The following MCHR2 variants were observed in gnomAD, a reference collection of about 807,000 sequenced individuals.
MCHR2 encodes the protein melanin concentrating hormone receptor 2, also known as melanin-concentrating hormone receptor 2.
MCHR2 carries 15 observed loss-of-function variants against 24.8 expected under a neutral mutation model. The ratio of observed to expected loss-of-function variants is 0.60; its 90% CI spans 0.40 to 0.93. The LOEUF (loss-of-function observed/expected upper bound fraction) is 0.93, where lower values mean the gene tolerates loss of function less well. Ranked by LOEUF, MCHR2 falls within the 40% of genes least tolerant of loss-of-function variation. MCHR2 has a pLI of 0.00. For synonymous variants in MCHR2, 151 were observed against 147.6 expected, an observed-to-expected ratio of 1.02 and a Z score of -0.17; for missense variants, 386 against 408.7, an observed-to-expected ratio of 0.94 and a Z score of 0.48.
chr6:99,921,555 A>G (rs1232660322), intron 5 of MCHR2, among the ~76,000 whole-genome samples: 5 of 152,136 alleles, frequency 3.3e-5, no homozygotes, highest in Non-Finnish European at 5.9e-5. Context: ...CAGGCATGCA[A>G]TGTGTAATAA....
chr6:99,948,409 G>A (rs913909707), intron 2 of MCHR2, among the ~76,000 whole-genome samples: 1 of 152,124 alleles, frequency 6.6e-6, no homozygotes, highest in Non-Finnish European at 1.5e-5. Context: ...ACACTATGGA[G>A]AGGTCCATGT....
intron 1 of MCHR2, among the ~76,000 whole-genome samples, chr6:99,986,637 C>G (rs1775774980): frequency 6.6e-6 from 1 of 152,028 alleles, no homozygotes; most frequent in East Asian, 1.9e-4. Flanking sequence ...TGTGGACATA[C>G]AGAGAGGAAT....
chr6:99,975,148 T>C (rs34315207), intron 1 of MCHR2, among the ~76,000 whole-genome samples: 24,305 of 152,154 alleles, frequency 0.16, 2,080 homozygotes, highest in African/African-American at 0.19. Context: ...TGTCTTTTTG[T>C]TTGTTTTTTC....
intron 1 of MCHR2, among the ~76,000 whole-genome samples, chr6:99,970,654 G>C (rs1346652135): frequency 2.6e-5 from 4 of 152,078 alleles, no homozygotes; most frequent in Non-Finnish European, 5.9e-5. Context: ...TGTCCTGAAT[G>C]GTATTGCCTA....
intron 3 of MCHR2, among the ~76,000 whole-genome samples, chr6:99,943,455 A>T (rs1449593717): frequency 6.6e-6 from 1 of 151,468 alleles, no homozygotes; most frequent in East Asian, 1.9e-4. Flanking sequence ...ATTTAGCATT[A>T]GGTATATCTC....
chr6:99,927,268 A>G (rs907222954), intron 5 of MCHR2, among the ~76,000 whole-genome samples: 19 of 152,276 alleles, frequency 1.2e-4, no homozygotes, highest in African/African-American at 3.4e-4. Context: ...GTCAGGTAGC[A>G]TGATGCCTCC....
intron 1 of MCHR2, among the ~76,000 whole-genome samples, chr6:99,970,531 C>T (rs369693922): frequency 6.6e-6 from 1 of 151,934 alleles, no homozygotes; most frequent in African/African-American, 2.4e-5. Flanking sequence ...CTCTGATGGT[C>T]GTTTCTTTTG....
intron 1 of MCHR2, among the ~76,000 whole-genome samples, chr6:99,982,483 A>AAAAT (rs1562135888): frequency 6.8e-6 from 1 of 147,784 alleles, no homozygotes; most frequent in Non-Finnish European, 1.5e-5. Context: ...AAAAAAAAAA[A>AAAAT]AAAAAAAAAG....
At chr6:99,923,634 A>G (rs1391078504) in intron 5 of MCHR2, among the ~76,000 whole-genome samples, 3 of 151,962 alleles carry the variant, frequency 2.0e-5, no homozygotes, top group African/African-American at 7.2e-5. Flanking sequence ...CTTTTTCAGC[A>G]TTTGATATTT....
chr6:99,945,327 C>T (rs889469226), intron 3 of MCHR2, among the ~76,000 whole-genome samples: 1 of 152,130 alleles, frequency 6.6e-6, no homozygotes, highest in Admixed American at 6.6e-5. Flanking sequence ...CTTACTGACT[C>T]TTGATGTTTT....
chr6:99,961,554 C>T (rs928238803), intron 1 of MCHR2, among the ~76,000 whole-genome samples: 4 of 151,964 alleles, frequency 2.6e-5, no homozygotes, highest in Admixed American at 1.3e-4. Context: ...ATGTCCTTTG[C>T]GGGGACATGG....
chr6:99,974,286 C>T (rs541781279), intron 1 of MCHR2, among the ~76,000 whole-genome samples: 36 of 152,194 alleles, frequency 2.4e-4, no homozygotes, highest in African/African-American at 7.9e-4. Context: ...TCCAAACTTC[C>T]CTTCTCACTT....
intron 1 of MCHR2, among the ~76,000 whole-genome samples, chr6:99,976,589 G>A (rs1775555947): frequency 2.0e-5 from 3 of 152,170 alleles, no homozygotes; most frequent in Admixed American, 2.0e-4. Context: ...TGTGGCTGCT[G>A]CCAGCTAGCC....
chr6:99,972,735 G>A (rs1012046080), intron 1 of MCHR2, among the ~76,000 whole-genome samples: 3 of 152,084 alleles, frequency 2.0e-5, no homozygotes, highest in African/African-American at 7.2e-5. Context: ...TGCTTTGAAT[G>A]TGTCCCAGAG....
intron 4 of MCHR2, among the ~76,000 whole-genome samples, chr6:99,938,145 G>A (rs1040532425): frequency 6.6e-6 from 1 of 151,618 alleles, no homozygotes; most frequent in African/African-American, 2.4e-5. Flanking sequence ...TTTTTGAAAA[G>A]CCAACTTTTC....
intron 5 of MCHR2, among the ~76,000 whole-genome samples, chr6:99,932,798 A>G (rs1009156427): frequency 6.6e-6 from 1 of 152,176 alleles, no homozygotes; most frequent in Non-Finnish European, 1.5e-5. Context: ...ACTAAATCCA[A>G]TGTGCTATTC....
intron 4 of MCHR2, among the ~76,000 whole-genome samples, chr6:99,940,416 GA>G (rs1303167224): frequency 1.3e-5 from 2 of 151,812 alleles, no homozygotes; most frequent in Non-Finnish European, 2.9e-5. Context: ...TCAGTTCCAA[GA>G]TTTTTTTTAA....
chr6:99,947,682 TG>T, intron 3 of MCHR2, 79 bp downstream of exon 3: 5 of 1,409,802 alleles, frequency 3.5e-6, no homozygotes, highest in Non-Finnish European at 4.9e-6. Flanking sequence ...AAACCAAAAC[TG>T]GTGTTGGAAT....
intron 1 of MCHR2, among the ~76,000 whole-genome samples, chr6:99,965,197 T>C (rs1562129383): frequency 1.3e-5 from 2 of 152,158 alleles, no homozygotes; most frequent in African/African-American, 2.4e-5. Context: ...TCTGACCATA[T>C]GGTTTCAAGG....
Sources: allele counts gnomAD v4.1 joint callset (sites outside exome capture counted in the v4.1 genomes callset), GRCh38; gene constraint gnomAD v4.1.1; transcripts MANE v1.5; gene names NCBI Gene and HGNC (gene_info 2026-07-23, HGNC 2026-07-21).